LEPROTL1: variants seen among roughly 807,000 people sequenced by gnomAD.
The protein encoded by LEPROTL1 is leptin receptor overlapping transcript-like 1.
Under a neutral mutation model 15.4 loss-of-function variants are expected in LEPROTL1, and 6 were observed. That is an observed-to-expected ratio of 0.39 (90% CI 0.21 to 0.77). LEPROTL1 has a LOEUF of 0.77. Ranked by LOEUF, LEPROTL1 falls within the 30% of genes least tolerant of loss-of-function variation. The pLI is 0.41. For synonymous variants in LEPROTL1, 56 were observed against 52.6 expected (o/e 1.06, Z -0.28); for missense variants, 128 against 158.1 (o/e 0.81, Z 1.02).
intron 3 of LEPROTL1, among the ~76,000 whole-genome samples, chr8:30,120,832 GTT>G (rs1273231276): frequency 2.0e-5 from 3 of 152,070 alleles, no homozygotes; most frequent in Non-Finnish European, 2.9e-5. Context: ...ACACCCAACT[GTT>G]TTGTTTTTCT....
chr8:30,101,325 G>C (rs1380386828), intron 1 of LEPROTL1, among the ~76,000 whole-genome samples: 1 of 152,142 alleles, frequency 6.6e-6, no homozygotes, highest in Non-Finnish European at 1.5e-5. Flanking sequence ...AAGGGAACCA[G>C]CGTCTGGGGA....
chr8:30,121,692 T>G (rs1398071634), intron 3 of LEPROTL1, among the ~76,000 whole-genome samples: 2 of 152,114 alleles, frequency 1.3e-5, no homozygotes, highest in Non-Finnish European at 2.9e-5. Flanking sequence ...TTGCACTGCT[T>G]TTTACCCAAT....
chr8:30,112,401 A>ATT (rs10684450), downstream of LEPROTL1, among the ~76,000 whole-genome samples: 257 of 27,886 alleles, frequency 9.2e-3, 12 homozygotes, highest in African/African-American at 0.026. Context: ...TGCCCAGCTA[A>ATT]TTTTTTTTTT....
At chr8:30,132,944 GTATT>G in intron 4 of LEPROTL1, 1 of 1,471,452 alleles carries the variant, frequency 6.8e-7, no homozygotes, top group South Asian at 1.4e-5. Flanking sequence ...AAAACACTCT[GTATT>G]TATTCTCTCT....
chr8:30,128,736 A>G, intron 3 of LEPROTL1, among the ~76,000 whole-genome samples: 1 of 150,818 alleles, frequency 6.6e-6, no homozygotes, highest in African/African-American at 2.4e-5. Context: ...TGGGTGACAG[A>G]GCCAGGCCCT....
At chr8:30,137,447 G>A (rs1803173347) in exon 5 of LEPROTL1, 3 of 1,551,722 alleles carry the variant, frequency 1.9e-6, no homozygotes, top group Non-Finnish European at 2.6e-6. Flanking sequence ...CTTCTGGGCA[G>A]GCCTGCTCTG....
chr8:30,117,537 T>G, intron 3 of LEPROTL1: 1 of 1,315,476 alleles, frequency 7.6e-7, no homozygotes, highest in Non-Finnish European at 1.1e-6. Context: ...GAGTTGCACA[T>G]CAAATCTGGG....
chr8:30,136,860 G>A (rs1300841067), intron 4 of LEPROTL1, among the ~76,000 whole-genome samples: 2 of 151,542 alleles, frequency 1.3e-5, no homozygotes, highest in Non-Finnish European at 2.9e-5. Context: ...GCTAATTTTT[G>A]TATTTTTAGC....
chr8:30,136,161 A>G (rs1279674812), intron 4 of LEPROTL1, among the ~76,000 whole-genome samples: 1 of 152,148 alleles, frequency 6.6e-6, no homozygotes, highest in African/African-American at 2.4e-5. Flanking sequence ...TCCTGTGCTT[A>G]TGGTCTAACC....
intron 3 of LEPROTL1, among the ~76,000 whole-genome samples, chr8:30,127,742 A>C (rs1802928877): frequency 2.0e-5 from 3 of 151,482 alleles, no homozygotes; most frequent in Admixed American, 1.3e-4. Context: ...AATGGGCCAG[A>C]ACAAGACAAA....
intron 3 of LEPROTL1, among the ~76,000 whole-genome samples, chr8:30,127,017 G>A (rs1173782783): frequency 3.9e-5 from 6 of 151,962 alleles, no homozygotes. Flanking sequence ...TCCAGCCTGG[G>A]TGACAGAGTG....
At position 30,107,348 on chromosome 8, in the gene LEPROTL1, G is replaced by A. The variant is rs559129855; in HGVS notation, c.*1486G>A. On this transcript the variant is annotated 3_prime_UTR_variant, in exon 4 of 4. Transcript: ENST00000321250. Reference sequence around the variant, plus strand: ...AGTGGGTTATAAAAACATTCAAGTTGGTCTGACAGTATTTTGTTAAGGATA... The same window carrying A: ...AGTGGGTTATAAAAACATTCAAGTTAGTCTGACAGTATTTTGTTAAGGATA... 2.4e-5 allele frequency: 24 copies of A among 985,318 alleles called. No homozygotes were observed. Among genetic ancestry groups the A allele is most frequent in the Non-Finnish European group, 2.9e-5 (24 of 829,664 alleles). The allele number at this position is 985,318 out of a possible 1,614,324, so 61.0% of individuals were successfully genotyped here. A position where few individuals can be genotyped will look rare whatever the true frequency, so the allele number is the denominator to read the frequency against.
At chr8:30,118,532 G>C (rs1802777325) in intron 3 of LEPROTL1, among the ~76,000 whole-genome samples, 1 of 152,124 alleles carries the variant, frequency 6.6e-6, no homozygotes, top group South Asian at 2.1e-4. Context: ...TCCTGAAGGA[G>C]TGGCCTGCCC....
intron 3 of LEPROTL1, chr8:30,117,540 A>G: frequency 7.6e-7 from 1 of 1,308,192 alleles, no homozygotes; most frequent in Admixed American, 1.7e-5. Context: ...TTGCACATCA[A>G]ATCTGGGGCT....
At chr8:30,132,685 C>G in intron 4 of LEPROTL1, 1 of 1,551,722 alleles carries the variant, frequency 6.4e-7, no homozygotes, top group Non-Finnish European at 8.7e-7. Flanking sequence ...CCCTTGAACA[C>G]GAGCCTGAAA....
chr8:30,136,952 T>C (rs970201962), intron 4 of LEPROTL1, among the ~76,000 whole-genome samples: 3 of 151,924 alleles, frequency 2.0e-5, no homozygotes, highest in African/African-American at 7.3e-5. Flanking sequence ...CCTCCCAAAG[T>C]GTTGGGATTA....
intron 1 of LEPROTL1, among the ~76,000 whole-genome samples, chr8:30,097,694 T>TAC (rs1443256910): frequency 3.7e-5 from 3 of 80,168 alleles, no homozygotes; most frequent in Admixed American, 1.3e-4. Context: ...AATATATATA[T>TAC]ATATACACAC....
chr8:30,126,414 A>G (rs946423008), intron 3 of LEPROTL1, among the ~76,000 whole-genome samples: 1 of 152,190 alleles, frequency 6.6e-6, no homozygotes, highest in Non-Finnish European at 1.5e-5. Flanking sequence ...TTAAGTTTCT[A>G]ACATTTGAAC....
At position 30,104,336 on chromosome 8, in the gene LEPROTL1, C is replaced by T. The variant is rs767806718; in HGVS notation, c.129C>T (p.Ile43=). Residue 43 remains isoleucine (I), a synonymous_variant, in exon 3 of 4, where the codon ATC becomes ATT. Coordinates refer to ENST00000321250, the MANE Select transcript of LEPROTL1 (RefSeq NM_015344.3). ...CCCTCTTTGTTCTATTTTTTTACAT[C>T]CTTTCACCTATTCCATACTGCATAG... ...YWPLFVLFFY[I]LSPIPYCIAR... is the part of the protein sequence containing the mutation. The T allele has an allele frequency of 2.5e-6, 4 of 1,569,662 alleles. No individual in the cohort carries two copies. The highest frequency in any genetic ancestry group is 3.5e-6 in the Non-Finnish European group (4 of 1,157,214).
Sources: gnomAD v4.1 joint callset for allele counts (sites outside exome capture counted in the v4.1 genomes callset) on GRCh38, gnomAD v4.1.1 for gene constraint, MANE v1.5 for transcripts, NCBI Gene and HGNC (gene_info 2026-07-23, HGNC 2026-07-21) for gene names.